Variants in MACROD2 observed in about 807,000 individuals in gnomAD.
MACROD2 encodes ADP-ribose glycohydrolase MACROD2.
Under a neutral mutation model 70.4 loss-of-function variants are expected in MACROD2, and 36 were observed. The observed-to-expected ratio is 0.51, with a 90% CI of 0.39 to 0.68. MACROD2 has a LOEUF of 0.68. MACROD2 is among the 30% of genes least tolerant of loss of function. The probability of loss-of-function intolerance (pLI) is 0.00; values close to 1 mark genes in which losing one functional copy is unlikely to be tolerated. For synonymous variants in MACROD2, 172 were observed against 178.8 expected (o/e 0.96, Z 0.30); for missense variants, 496 against 538.4 (o/e 0.92, Z 0.78).
At chr20:15,503,444 T>C (rs1357949308) in intron 8 of MACROD2, among the ~76,000 whole-genome samples, 1 of 152,200 alleles carries the variant, frequency 6.6e-6, no homozygotes, top group East Asian at 1.9e-4. Context: ...GGCCTCAGTT[T>C]GAGATTGCTT....
At chr20:15,535,950 G>A (rs2047868635) in intron 8 of MACROD2, among the ~76,000 whole-genome samples, 2 of 152,190 alleles carry the variant, frequency 1.3e-5, no homozygotes, top group Non-Finnish European at 2.9e-5. Context: ...TCCCAGAAGG[G>A]TAGGAGTGGC....
At chr20:14,495,527 G>A (rs1010580686) in intron 4 of MACROD2, among the ~76,000 whole-genome samples, 11 of 152,084 alleles carry the variant, frequency 7.2e-5, no homozygotes, top group Admixed American at 4.6e-4. Flanking sequence ...AAAAATTACC[G>A]TTCTGTTCAC....
At chr20:14,763,777 A>T (rs766850949) in intron 5 of MACROD2, among the ~76,000 whole-genome samples, 2 of 152,110 alleles carry the variant, frequency 1.3e-5, no homozygotes, top group Non-Finnish European at 2.9e-5. Flanking sequence ...TGCACTGCCT[A>T]TCGGATAGCT....
chr20:14,754,546 G>A lies in MACROD2; in HGVS notation c.418+69587G>A, dbSNP rs73897207. On this transcript the variant is annotated intron_variant, in intron 5 of 17. Transcript: ENST00000684519. The stretch of plus-strand genomic sequence containing the variant: ...TGGAGAGTAGAATATTAAATGTCTG[G>A]TGGGCACAGAGTCTCTTTTCATCTG... 4.1e-3 allele frequency among the ~76,000 whole-genome samples: 627 copies of A among 152,020 alleles called. 4 individuals are homozygous for A. Among genetic ancestry groups the A allele is most frequent in the African/African-American group, 0.015 (604 of 41,442 alleles).
intron 8 of MACROD2, among the ~76,000 whole-genome samples, chr20:15,618,474 G>A (rs557765121): frequency 1.3e-5 from 2 of 152,284 alleles, no homozygotes; most frequent in East Asian, 3.9e-4. Context: ...CGTCAGGAAT[G>A]TTTTTATCAA....
At chr20:15,498,637 G>T (rs1181956031) in intron 7 of MACROD2, among the ~76,000 whole-genome samples, 5 of 152,206 alleles carry the variant, frequency 3.3e-5, no homozygotes, top group East Asian at 1.9e-4. Flanking sequence ...CAAGACAGAA[G>T]TAGATTAATG....
At chr20:14,244,312 G>A (rs943640639) in intron 3 of MACROD2, among the ~76,000 whole-genome samples, 7 of 152,004 alleles carry the variant, frequency 4.6e-5, no homozygotes, top group Non-Finnish European at 1.0e-4. Context: ...GAGCTCAGAC[G>A]CTGGAATGTT....
chr20:15,325,642 A>C (rs1016959208), intron 6 of MACROD2, among the ~76,000 whole-genome samples: 1 of 152,172 alleles, frequency 6.6e-6, no homozygotes, highest in African/African-American at 2.4e-5. Flanking sequence ...TCCAGAATCT[A>C]ATCAAGCTAT....
At chr20:15,413,358 C>T (rs1478488922) in intron 6 of MACROD2, among the ~76,000 whole-genome samples, 1 of 152,106 alleles carries the variant, frequency 6.6e-6, no homozygotes, top group East Asian at 1.9e-4. Context: ...GTAAAGGAAA[C>T]ATTAACTCTG....
chr20:15,386,950 T>TTTTCCCCC (rs2045721613), intron 6 of MACROD2, among the ~76,000 whole-genome samples: 1 of 152,164 alleles, frequency 6.6e-6, no homozygotes, highest in Non-Finnish European at 1.5e-5. Flanking sequence ...TCAAATCCTT[T>TTTTCCCCC]TTTCCCCCTT....
chr20:14,720,536 C>CTTTTTTTTTTTTTTG (rs2071453476), intron 5 of MACROD2, among the ~76,000 whole-genome samples: 1 of 35,926 alleles, frequency 2.8e-5, no homozygotes, highest in African/African-American at 1.1e-4. Flanking sequence ...TGCCCCACAA[C>CTTTTTTTTTTTTTTG]TTTTTTTTTT....
At chr20:14,099,618 T>C (rs2054272123) in intron 3 of MACROD2, among the ~76,000 whole-genome samples, 1 of 152,162 alleles carries the variant, frequency 6.6e-6, no homozygotes, top group Non-Finnish European at 1.5e-5. Flanking sequence ...CTGGGTGTTT[T>C]AGTACTGCAA....
chr20:14,065,617 C>G (rs1457740198), intron 2 of MACROD2, among the ~76,000 whole-genome samples: 3 of 152,164 alleles, frequency 2.0e-5, no homozygotes, highest in Admixed American at 6.6e-5. Context: ...TTCTCACATG[C>G]TTTACTATGT....
chr20:14,390,535 C>CA (rs1376298541), intron 3 of MACROD2, among the ~76,000 whole-genome samples: 1 of 152,134 alleles, frequency 6.6e-6, no homozygotes, highest in Non-Finnish European at 1.5e-5. Context: ...GGTACTGGCA[C>CA]AAAAACAGAC....
In MACROD2 at chr20:14,716,236, A is replaced by T. The variant is rs6079536; in HGVS notation, c.418+31277A>T. Among the ~76,000 whole-genome samples, 9 of 152,052 alleles carry T rather than the reference A, an allele frequency of 5.9e-5. No individual in the cohort carries two copies. In the South Asian group the frequency reaches 1.2e-3, roughly 21 times the overall value. Reference sequence around the variant, plus strand: ...GATAGTTTTTTAAATGTGAGGTGGCAGTTGTCTTGGGATATATCTCTATGG... The same window carrying T: ...GATAGTTTTTTAAATGTGAGGTGGCTGTTGTCTTGGGATATATCTCTATGG... On this transcript the variant is annotated intron_variant, in intron 5 of 17. Coordinates refer to ENST00000684519, the MANE Select transcript of MACROD2 (RefSeq NM_001351661.2).
intron 7 of MACROD2, among the ~76,000 whole-genome samples, chr20:15,495,390 C>A (rs1568848270): frequency 6.6e-6 from 1 of 152,146 alleles, no homozygotes; most frequent in African/African-American, 2.4e-5. Flanking sequence ...ATTTTTCTCC[C>A]CTTTTAATTA....
chr20:14,524,960 T>C (rs1458585431), intron 4 of MACROD2, among the ~76,000 whole-genome samples: 3 of 152,222 alleles, frequency 2.0e-5, no homozygotes, highest in Non-Finnish European at 4.4e-5. Flanking sequence ...TATTGCTTTA[T>C]GGATGAGAAT....
intron 8 of MACROD2, among the ~76,000 whole-genome samples, chr20:15,699,255 C>T (rs932353433): frequency 3.3e-5 from 5 of 152,076 alleles, no homozygotes; most frequent in African/African-American, 4.8e-5. Context: ...CATATTTTTT[C>T]GTCCCATGGG....
intron 8 of MACROD2, among the ~76,000 whole-genome samples, chr20:15,588,595 C>T (rs2048635403): frequency 6.6e-6 from 1 of 152,154 alleles, no homozygotes; most frequent in Non-Finnish European, 1.5e-5. Flanking sequence ...CTCTTTAATG[C>T]TTTTTTGCCT....
Sources: gnomAD v4.1 joint callset for allele counts (sites outside exome capture counted in the v4.1 genomes callset) on GRCh38, gnomAD v4.1.1 for gene constraint, MANE v1.5 for transcripts, NCBI Gene and HGNC (gene_info 2026-07-23, HGNC 2026-07-21) for gene names.